The following ATE1 variants were observed in gnomAD, a reference collection of about 807,000 sequenced individuals.
ATE1 encodes arginyltransferase 1.
Under a neutral mutation model 70.5 loss-of-function variants are expected in ATE1, and 36 were observed. That is an observed-to-expected ratio of 0.51 (90% confidence interval 0.39 to 0.67). ATE1 has a LOEUF of 0.67. ATE1 is among the 30% of genes least tolerant of loss of function. The pLI, the probability that ATE1 is intolerant of heterozygous loss-of-function variation, is 0.00. For synonymous variants in ATE1, 232 were observed against 219.3 expected (o/e 1.06, Z -0.51); for missense variants, 593 against 629.5 (o/e 0.94, Z 0.62).
At chr10:121,851,931 G>T (rs948473694) in intron 8 of ATE1, among the ~76,000 whole-genome samples, 1 of 152,244 alleles carries the variant, frequency 6.6e-6, no homozygotes, top group Non-Finnish European at 1.5e-5. Flanking sequence ...GCACTGTGTA[G>T]AAATGTCATC....
At chr10:121,820,834 A>T (rs372771484) in intron 10 of ATE1, among the ~76,000 whole-genome samples, 1 of 152,268 alleles carries the variant, frequency 6.6e-6, no homozygotes, top group East Asian at 1.9e-4. Context: ...TCCATCTAGC[A>T]AAATTAATCA....
intron 8 of ATE1, among the ~76,000 whole-genome samples, chr10:121,855,135 T>C (rs1438940856): frequency 1.3e-5 from 2 of 152,074 alleles, no homozygotes; most frequent in Non-Finnish European, 2.9e-5. Context: ...ACTGTAAAAA[T>C]GGCAACCCTC....
chr10:121,772,047 C>T (rs1945540982), intron 11 of ATE1, among the ~76,000 whole-genome samples: 1 of 152,204 alleles, frequency 6.6e-6, no homozygotes, highest in Non-Finnish European at 1.5e-5. Context: ...GCCTTCCCAA[C>T]ATGACAGTAA....
chr10:121,774,013 T>G (rs1456884307), intron 11 of ATE1, among the ~76,000 whole-genome samples: 1 of 152,194 alleles, frequency 6.6e-6, no homozygotes, highest in Admixed American at 6.5e-5. Flanking sequence ...ATGAACTAAA[T>G]GGTACTTCCA....
intron 10 of ATE1, among the ~76,000 whole-genome samples, chr10:121,832,035 A>G (rs1948258819): frequency 1.3e-5 from 2 of 152,234 alleles, no homozygotes; most frequent in Admixed American, 1.3e-4. Flanking sequence ...AAGAGGGACT[A>G]AAGGAGTGAC....
intron 10 of ATE1, among the ~76,000 whole-genome samples, chr10:121,829,566 G>A (rs186345787): frequency 1.3e-3 from 203 of 151,812 alleles, no homozygotes; most frequent in Admixed American, 4.5e-3. Context: ...AAAATTAGCC[G>A]GGCGTGGTGG....
chr10:121,833,220 G>C (rs569998829), intron 10 of ATE1, among the ~76,000 whole-genome samples: 1 of 151,556 alleles, frequency 6.6e-6, no homozygotes, highest in South Asian at 2.1e-4. Context: ...ATCACATTCT[G>C]TTAGAACTGC....
At chr10:121,820,723 C>A (rs1590387937) in intron 10 of ATE1, among the ~76,000 whole-genome samples, 1 of 152,160 alleles carries the variant, frequency 6.6e-6, no homozygotes, top group Non-Finnish European at 1.5e-5. Context: ...GCTAGTCTGA[C>A]AAAGGGAAAG....
chr10:121,910,585 A>G (rs1180321126), intron 5 of ATE1, among the ~76,000 whole-genome samples: 1 of 152,214 alleles, frequency 6.6e-6, no homozygotes, highest in East Asian at 1.9e-4. Context: ...ATGTTAAAAT[A>G]AGAATGTTTA....
intron 11 of ATE1, among the ~76,000 whole-genome samples, chr10:121,748,566 A>G (rs1421918271): frequency 1.3e-5 from 2 of 152,174 alleles, no homozygotes; most frequent in African/African-American, 4.8e-5. Flanking sequence ...AAACACATAC[A>G]ATTAAGTCTC....
intron 1 of ATE1, chr10:121,926,646 C>T (rs1037280165): frequency 5.9e-6 from 5 of 842,746 alleles, no homozygotes; most frequent in Non-Finnish European, 7.1e-6. Flanking sequence ...TTTAATGTAA[C>T]TTATTGATTT....
chr10:121,754,431 T>TA (rs1944711924), intron 11 of ATE1, among the ~76,000 whole-genome samples: 1 of 152,196 alleles, frequency 6.6e-6, no homozygotes. Flanking sequence ...AAAAGGCTCC[T>TA]ACTGGCCAAA....
chr10:121,837,045 C>T (rs1342936143), intron 9 of ATE1, among the ~76,000 whole-genome samples: 1 of 152,184 alleles, frequency 6.6e-6, no homozygotes, highest in African/African-American at 2.4e-5. Context: ...AGGTTTTACA[C>T]TTTATTGGAC....
rs192531588 is a variant in ATE1, at chr10:121,867,952, G to A, written c.975+2054C>T. Among the ~76,000 whole-genome samples, 617 of 152,030 alleles carry A rather than the reference G, an allele frequency of 4.1e-3. 2 individuals carry two copies. The highest frequency in any genetic ancestry group is 9.4e-3 in the African/African-American group (390 of 41,464). ...ATTCATTTTTATGTAAGTTTTGTCC[G>A]CATCTTTGATGAACTCTCTGACAGT... is the stretch of plus-strand genomic sequence containing the variant. On this transcript the variant is annotated intron_variant, in intron 8 of 11. Transcript: ENST00000224652.
chr10:121,843,240 A>G (rs1157447391), intron 8 of ATE1, among the ~76,000 whole-genome samples: 1 of 152,228 alleles, frequency 6.6e-6, no homozygotes, highest in Non-Finnish European at 1.5e-5. Context: ...TTAGTTATAA[A>G]TCAAACAAAA....
chr10:121,853,361 CAAAA>C (rs386372688), intron 8 of ATE1, among the ~76,000 whole-genome samples: 5 of 69,128 alleles, frequency 7.2e-5, no homozygotes, highest in Middle Eastern at 7.2e-3. Flanking sequence ...GACTCTGTCT[CAAAA>C]AAAAAAAAAA....
chr10:121,896,679 C>G (rs1030587334), intron 7 of ATE1, among the ~76,000 whole-genome samples: 1 of 151,860 alleles, frequency 6.6e-6, no homozygotes, highest in African/African-American at 2.4e-5. Flanking sequence ...CATGGTGGCA[C>G]ACACCTGTAA....
chr10:121,816,079 T>C (rs919636275), intron 10 of ATE1, among the ~76,000 whole-genome samples: 3 of 152,162 alleles, frequency 2.0e-5, no homozygotes, highest in African/African-American at 7.2e-5. Context: ...TTTCACTTCA[T>C]TGCCCTACTA....
At chr10:121,803,528 A>G (rs1009147394) in intron 10 of ATE1, among the ~76,000 whole-genome samples, 4 of 152,228 alleles carry the variant, frequency 2.6e-5, no homozygotes, top group African/African-American at 7.2e-5. Flanking sequence ...GTTCCTGTTT[A>G]TAAAGATCTG....
Sources: gnomAD v4.1 joint callset for allele counts (sites outside exome capture counted in the v4.1 genomes callset) on GRCh38, gnomAD v4.1.1 for gene constraint, MANE v1.5 for transcripts, NCBI Gene and HGNC (gene_info 2026-07-23, HGNC 2026-07-21) for gene names.